LIMCH1: variants seen among roughly 807,000 people sequenced by gnomAD.
The protein encoded by LIMCH1 is LIM and calponin homology domains-containing protein 1.
In LIMCH1, 113 loss-of-function variants were observed where a neutral mutation model predicts 176.5. That is an observed-to-expected ratio of 0.64 (90% confidence interval 0.55 to 0.75). The LOEUF is 0.75. LIMCH1 is among the 30% of genes least tolerant of loss of function. The probability of loss-of-function intolerance (pLI) is 0.00; values close to 1 mark genes in which losing one functional copy is unlikely to be tolerated. For missense variants in LIMCH1, 1,674 were observed against 1,814.9 expected (o/e 0.92, Z 1.41); for synonymous variants, 619 against 645.9 (o/e 0.96, Z 0.63).
At chr4:41,525,250 A>G (rs868375304) in intron 3 of LIMCH1, among the ~76,000 whole-genome samples, 23 of 151,748 alleles carry the variant, frequency 1.5e-4, no homozygotes, top group African/African-American at 3.4e-4. Context: ...ACGCGCGCGC[A>G]CACACACACA....
chr4:41,479,181 C>T (rs1395517292), intron 1 of LIMCH1, among the ~76,000 whole-genome samples: 1 of 152,168 alleles, frequency 6.6e-6, no homozygotes, highest in Non-Finnish European at 1.5e-5. Context: ...GATGTCAAAA[C>T]CCTTTCCATT....
In LIMCH1 at chr4:41,410,187, AT is replaced by A. The variant is rs143977782; in HGVS notation, c.96+49255del. Among the ~76,000 whole-genome samples the A allele has an allele frequency of 9.2e-3, 1,408 of 152,292 alleles. 19 individuals are homozygous for A. The highest frequency in any genetic ancestry group is 0.031 in the African/African-American group (1,285 of 41,552). On this transcript the variant is annotated intron_variant, in intron 1 of 26. Transcript: ENST00000313860. ...AGCAGTAGCCCAAGAGGATGAATGTATTTTCATCGTACTGCCTTCCAGAAAC... is the reference window on the plus strand; with the variant it reads ...AGCAGTAGCCCAAGAGGATGAATGTATTTCATCGTACTGCCTTCCAGAAAC...
chr4:41,419,080 G>A (rs2060196449), intron 1 of LIMCH1, among the ~76,000 whole-genome samples: 1 of 152,098 alleles, frequency 6.6e-6, no homozygotes. Flanking sequence ...ATCTGCCTCA[G>A]TAAAGTGTCT....
At position 41,698,644 on chromosome 4, in the gene LIMCH1, A is replaced by G. The variant is rs1430950303; in HGVS notation, c.*1459A>G. On this transcript the variant is annotated 3_prime_UTR_variant, in exon 32 of 32. Transcript: ENST00000503057. ...GTAGTCATAAAAGGGGGTCAAGTAGATGTTTTTCTGTTATGTAAGCAATAA... is the reference window on the plus strand; with the variant it reads ...GTAGTCATAAAAGGGGGTCAAGTAGGTGTTTTTCTGTTATGTAAGCAATAA... 6.6e-6 allele frequency: 1 copy of G among 152,626 alleles called. No homozygotes were observed. Among genetic ancestry groups the G allele is most frequent in the Non-Finnish European group, 1.5e-5 (1 of 68,038 alleles). The allele number at this position is 152,626 out of a possible 1,614,324, so 9.5% of individuals were successfully genotyped here.
intron 1 of LIMCH1, among the ~76,000 whole-genome samples, chr4:41,407,055 A>T (rs2059033229): frequency 6.6e-6 from 1 of 152,104 alleles, no homozygotes; most frequent in African/African-American, 2.4e-5. Context: ...AGATCCATGC[A>T]TCTGGTGGCT....
At position 41,381,749 on chromosome 4, in the gene LIMCH1, C is replaced by A. The variant is rs556799157; in HGVS notation, c.96+20813C>A. ...GATGGCCTGCTGGAGGATGAGAGAC[C>A]TGGACAAAGCCAAATTGCCCCACTT... On this transcript the variant is annotated intron_variant, in intron 1 of 26. Transcript: ENST00000313860. Among the ~76,000 whole-genome samples, 560 of 152,248 alleles carry A rather than the reference C, an allele frequency of 3.7e-3. 2 individuals carry two copies. The highest frequency in any genetic ancestry group is 0.01 in the Middle Eastern group (3 of 294).
intron 1 of LIMCH1, among the ~76,000 whole-genome samples, chr4:41,565,329 A>G (rs867157770): frequency 6.7e-6 from 1 of 148,588 alleles, no homozygotes; most frequent in Non-Finnish European, 1.5e-5. Context: ...AGATAGTTAG[A>G]AGTTAGCTAT....
In LIMCH1 at chr4:41,699,592, T is replaced by C. The variant is rs1436579644; in HGVS notation, c.*2407T>C. On this transcript the variant is annotated 3_prime_UTR_variant, in exon 32 of 32. Transcript: ENST00000503057. ...AGGAAAAAAAAAATGCTCTGCTCCA[T>C]TGAGCTATAATGTAAATGTGTTTGT... 1 of 152,162 alleles carries C rather than the reference T, an allele frequency of 6.6e-6. No homozygotes were observed. Among genetic ancestry groups the C allele is most frequent in the Non-Finnish European group, 1.5e-5 (1 of 68,038 alleles). The allele number at this position is 152,162 out of a possible 1,614,324, so 9.4% of individuals were successfully genotyped here.
At position 41,605,992 on chromosome 4, in the gene LIMCH1, T is replaced by C; in HGVS notation, c.-4T>C. Reference sequence around the variant, plus strand: ...TGAAGGAGTTTGAAGGATTGTTGGCTCAGATGCGAAAGGTAACTTGGCTTT... The same window carrying C: ...TGAAGGAGTTTGAAGGATTGTTGGCCCAGATGCGAAAGGTAACTTGGCTTT... On this transcript the variant is annotated 5_prime_UTR_variant, in exon 4 of 32. Transcript: ENST00000503057. The C allele has an allele frequency of 6.2e-7, 1 of 1,612,462 alleles. No individual in the cohort carries two copies. Among genetic ancestry groups the C allele is most frequent in the Non-Finnish European group, 8.5e-7 (1 of 1,178,662 alleles).
At chr4:41,454,472 A>G (rs2064289953) in intron 1 of LIMCH1, among the ~76,000 whole-genome samples, 2 of 151,296 alleles carry the variant, frequency 1.3e-5, no homozygotes, top group Non-Finnish European at 3.0e-5. Flanking sequence ...AGAGAGAGAG[A>G]GGGAGAGAGA....
Position 41,480,538 on chromosome 4 carries a change from C to T in LIMCH1, c.97-13998C>T, listed in dbSNP as rs924208678. Among the ~76,000 whole-genome samples the T allele has an allele frequency of 2.0e-5, 3 of 152,076 alleles. No individual in the cohort carries two copies. In the East Asian group the frequency reaches 5.8e-4, roughly 29 times the overall value. ...AGGAGAATCTCTTGAACCTGGGAGG[C>T]GGAGGTTGCAGTGAGCTGAGATTGC... On this transcript the variant is annotated intron_variant, in intron 1 of 26. Transcript: ENST00000313860.
At chr4:41,403,063 A>G (rs2058625110) in intron 1 of LIMCH1, among the ~76,000 whole-genome samples, 1 of 152,134 alleles carries the variant, frequency 6.6e-6, no homozygotes, top group Non-Finnish European at 1.5e-5. Context: ...ACTTATATTG[A>G]GGATTTTACA....
At chr4:41,638,629 T>C (rs2093694336) in intron 13 of LIMCH1, among the ~76,000 whole-genome samples, 1 of 152,202 alleles carries the variant, frequency 6.6e-6, no homozygotes, top group African/African-American at 2.4e-5. Flanking sequence ...CGCTGTGGAT[T>C]GCACCTAAGC....
At chr4:41,443,786 C>T (rs1230075023) in intron 1 of LIMCH1, among the ~76,000 whole-genome samples, 2 of 152,166 alleles carry the variant, frequency 1.3e-5, no homozygotes, top group Admixed American at 1.3e-4. Flanking sequence ...ACAAGTGCTG[C>T]TGAGCATCTG....
Position 41,626,926 on chromosome 4 carries a change from A to G in LIMCH1, c.944A>G (p.Tyr315Cys). 1.3e-6 allele frequency: 2 copies of G among 1,536,176 alleles called. No individual in the cohort carries two copies. Among genetic ancestry groups the G allele is most frequent in the Non-Finnish European group, 1.7e-6 (2 of 1,146,912 alleles). The change falls in exon 8 of 32, where the codon TAT becomes TGT. Residue 315 changes from tyrosine to cysteine, a missense_variant. By Grantham distance (194) the Tyr-to-Cys change is radical (BLOSUM62 -2). This residue lies in a region of LIMCH1 where 655 missense variants were observed against 692.2 expected (regional missense o/e 0.95). Transcript: ENST00000503057. ...VPLNQLLYGP[Y>C]PKKGAEKSDG... ...TTAAATCAACTCCTCTATGGCCCTT[A>G]TCCAAAGAAAGGGGCAGAGAAATCA...
At chr4:41,402,013 A>G (rs770731566) in intron 1 of LIMCH1, among the ~76,000 whole-genome samples, 9 of 152,216 alleles carry the variant, frequency 5.9e-5, no homozygotes, top group Non-Finnish European at 1.3e-4. Context: ...TCCTAATTGA[A>G]TACCCTTTAT....
chr4:41,388,251 C>T (rs747877836), intron 1 of LIMCH1, among the ~76,000 whole-genome samples: 2 of 152,132 alleles, frequency 1.3e-5, no homozygotes, highest in African/African-American at 2.4e-5. Context: ...GGAAACAGCC[C>T]AAATGTCTAT....
rs756428195 is a variant in LIMCH1 at position 41,676,496 on chromosome 4, C to A, written c.3519+34C>A. On this transcript the variant is annotated intron_variant, in intron 23 of 31. Coordinates refer to ENST00000503057, the MANE Select transcript of LIMCH1 (RefSeq NM_001330672.2). Reference sequence around the variant, plus strand: ...GAGTTTGCTGCTTTTTTTGTTTTTCCTTTTTTGTCCTCTTGCTTTCCATTG... The same window carrying A: ...GAGTTTGCTGCTTTTTTTGTTTTTCATTTTTTGTCCTCTTGCTTTCCATTG... 6.1e-6 allele frequency: 9 copies of A among 1,472,726 alleles called. No homozygotes were observed. The Admixed American group carries it at 6.7e-5, about 11-fold the overall frequency. 91.2% of individuals were successfully genotyped at this position (1,472,726 alleles called of 1,614,324 possible).
At chr4:41,614,318 G>A (rs1299408901) in intron 5 of LIMCH1, among the ~76,000 whole-genome samples, 1 of 152,162 alleles carries the variant, frequency 6.6e-6, no homozygotes. Flanking sequence ...ACAAAAATGT[G>A]TAATCATGTA....
Sources: gnomAD v4.1 joint callset for allele counts (sites outside exome capture counted in the v4.1 genomes callset) on GRCh38, gnomAD v4.1.1 for gene constraint, gnomAD v4.1.1 regional missense constraint, MANE v1.5 for transcripts, NCBI Gene and HGNC (gene_info 2026-07-23, HGNC 2026-07-21) for gene names.